Variants in EXD3 observed in about 807,000 individuals in gnomAD.
EXD3 encodes the protein exonuclease mut-7 homolog.
In EXD3, 92 loss-of-function variants were observed where a neutral mutation model predicts 98.0. The observed-to-expected ratio is 0.94, with a 90% CI of 0.79 to 1.12. The LOEUF (loss-of-function observed/expected upper bound fraction) is 1.12, where lower values mean the gene tolerates loss of function less well. Ranked by LOEUF, EXD3 falls within the 50% of genes most tolerant of loss-of-function variation. The pLI is 0.00. For synonymous variants in EXD3, 569 were observed against 526.0 expected (o/e 1.08, Z -1.12); for missense variants, 1,222 against 1,191.6 (o/e 1.03, Z -0.38).
At position 137,393,491 on chromosome 9, in the gene EXD3, A is replaced by ACACC. The variant is rs377123972; in HGVS notation, c.55+1808_55+1811dup. Among the ~76,000 whole-genome samples the ACACC allele has an allele frequency of 1.3e-4, 20 of 152,276 alleles. No homozygotes were observed. Among genetic ancestry groups the ACACC allele is most frequent in the African/African-American group, 4.8e-4 (20 of 41,556 alleles). ...TGTGCCTGCTGAGGGGGCCACATCC[A>ACACC]CACCAAGCCCCGCCCAGCTCAGAGG... On this transcript the variant is annotated intron_variant, in intron 2 of 21. Coordinates refer to ENST00000340951, the MANE Select transcript of EXD3 (RefSeq NM_017820.5). The surrounding 1 kb of genome is among the most constrained non-coding windows in gnomAD (Gnocchi z 4.6).
intron 10 of EXD3, chr9:137,354,113 G>A (rs753040135): frequency 1.7e-4 from 226 of 1,334,412 alleles, no homozygotes; most frequent in Non-Finnish European, 2.1e-4. Context: ...TGCCTGGAAC[G>A]AGGCCCAGTC....
At chr9:137,315,948 G>T (rs573467769) in intron 19 of EXD3, among the ~76,000 whole-genome samples, 1 of 151,222 alleles carries the variant, frequency 6.6e-6, no homozygotes, top group African/African-American at 2.4e-5. Flanking sequence ...CCATCCCAGG[G>T]GATGGCAGCT....
chr9:137,397,610 T>C (rs1837277913), intron 1 of EXD3, among the ~76,000 whole-genome samples: 1 of 152,328 alleles, frequency 6.6e-6, no homozygotes, highest in South Asian at 2.1e-4. Flanking sequence ...CTCAAAGTTA[T>C]TGGTGTTAGC....
intron 17 of EXD3, among the ~76,000 whole-genome samples, chr9:137,337,378 T>G (rs765404133): frequency 6.6e-6 from 1 of 152,004 alleles, no homozygotes; most frequent in African/African-American, 2.4e-5. Context: ...TTAGGCTGGG[T>G]GCGGTGGCTC....
chr9:137,416,095 G>C (rs1452235173), intron 1 of EXD3, among the ~76,000 whole-genome samples: 4 of 152,230 alleles, frequency 2.6e-5, no homozygotes, highest in Non-Finnish European at 5.9e-5. Context: ...CTTAGCCTTA[G>C]CACCTCCACA....
At chr9:137,408,768 G>C (rs151014486) in intron 1 of EXD3, among the ~76,000 whole-genome samples, 51 of 152,146 alleles carry the variant, frequency 3.4e-4, no homozygotes, top group African/African-American at 1.2e-3. Context: ...GTGGAGCCTC[G>C]AGCCAATCGG....
rs559739180 is a variant in EXD3, at chr9:137,356,400, C to T, written c.657-32G>A. 41 of 1,360,790 alleles carry T rather than the reference C, an allele frequency of 3.0e-5. No individual in the cohort carries two copies. In the South Asian group the frequency reaches 4.6e-4, roughly 15 times the overall value. 84.3% of individuals were successfully genotyped at this position (1,360,790 alleles called of 1,614,324 possible). A position where few individuals can be genotyped will look rare whatever the true frequency, so the allele number is the denominator to read the frequency against. On this transcript the variant is annotated intron_variant, in intron 7 of 21. Coordinates refer to ENST00000340951, the MANE Select transcript of EXD3 (RefSeq NM_017820.5). The stretch of plus-strand genomic sequence containing the variant: ...GGAGAGAGAGGCACAGCCTCTGTTG[C>T]TGTTTTAAGTTAATACATTTTAAGA...
At chr9:137,416,554 G>C (rs1838239131) in intron 1 of EXD3, among the ~76,000 whole-genome samples, 1 of 151,530 alleles carries the variant, frequency 6.6e-6, no homozygotes, top group Non-Finnish European at 1.5e-5. Context: ...CAGGCATCCG[G>C]ACCCTCGTCA....
At position 137,373,609 on chromosome 9, in the gene EXD3, C is replaced by A; in HGVS notation, c.121-10G>T. On this transcript the variant is annotated splice_polypyrimidine_tract_variant and intron_variant, in intron 3 of 21. Transcript: ENST00000340951. The stretch of plus-strand genomic sequence containing the variant: ...AGGCTTCCTCCCGGAGCTGTGGAGA[C>A]ACAAAACCACACTGGCACTTTGTCT... 4.4e-6 allele frequency: 7 copies of A among 1,590,096 alleles called. No homozygotes were observed. The highest frequency in any genetic ancestry group is 6.0e-6 in the Non-Finnish European group (7 of 1,168,348).
At chr9:137,362,737 C>T (rs28458909) in intron 7 of EXD3, among the ~76,000 whole-genome samples, 18,434 of 152,110 alleles carry the variant, frequency 0.12, 1,322 homozygotes, top group African/African-American at 0.14. Context: ...TTCTGGATAA[C>T]AGTCCTTTAT....
rs1233669887 is a variant in EXD3, at chr9:137,407,292, C to A, written c.-47-11888G>T. Among the ~76,000 whole-genome samples the A allele has an allele frequency of 1.3e-5, 2 of 152,222 alleles. No homozygotes were observed. Among genetic ancestry groups the A allele is most frequent in the African/African-American group, 4.8e-5 (2 of 41,472 alleles). ...GCCAGCGCTGCAGGCAGAGCCCAGC[C>A]CGGCGGCCGCGGCGAACACGGGGCG... On this transcript the variant is annotated intron_variant, in intron 1 of 21. Coordinates refer to ENST00000340951, the MANE Select transcript of EXD3 (RefSeq NM_017820.5). The surrounding 1 kb of genome is among the most constrained non-coding windows in gnomAD (Gnocchi z 4.4).
At chr9:137,336,724 A>G (rs982363399) in intron 17 of EXD3, among the ~76,000 whole-genome samples, 3 of 152,002 alleles carry the variant, frequency 2.0e-5, no homozygotes, top group East Asian at 1.9e-4. Context: ...ATGGCAAAAT[A>G]TGCATATTTT....
At chr9:137,383,874 T>C (rs150912333) in intron 2 of EXD3, among the ~76,000 whole-genome samples, 2 of 149,990 alleles carry the variant, frequency 1.3e-5, no homozygotes, top group African/African-American at 4.9e-5. Context: ...CCGACCTCAC[T>C]GCAGCAAAAG....
At chr9:137,364,271 T>G (rs981461076) in intron 7 of EXD3, among the ~76,000 whole-genome samples, 6 of 152,128 alleles carry the variant, frequency 3.9e-5, no homozygotes, top group African/African-American at 1.5e-4. Flanking sequence ...CTCATGGCTA[T>G]GGGGTATCAT....
chr9:137,344,428 G>A (rs1271686177), intron 17 of EXD3, among the ~76,000 whole-genome samples: 3 of 152,144 alleles, frequency 2.0e-5, no homozygotes, highest in Admixed American at 6.6e-5. Context: ...AGTGGCTGAC[G>A]AGACATGTCT....
At chr9:137,351,169 G>GCCC in intron 13 of EXD3, 22 bp from the exon 14 acceptor site, 1 of 1,556,170 alleles carries the variant, frequency 6.4e-7, no homozygotes, top group Non-Finnish European at 8.7e-7. Flanking sequence ...AACCATCGTG[G>GCCC]GAGGGGCGCC....
In EXD3 at chr9:137,315,058, C is replaced by G. The variant is rs112095699; in HGVS notation, c.2185-5358G>C. ...GTCAGGGTCTCCACTTCCTGCAGCTCCCTTGGAATGTGCCCCCTGGAGCCA... is the reference window on the plus strand; with the variant it reads ...GTCAGGGTCTCCACTTCCTGCAGCTGCCTTGGAATGTGCCCCCTGGAGCCA... On this transcript the variant is annotated intron_variant, in intron 19 of 21. Transcript: ENST00000340951. Among the ~76,000 whole-genome samples the G allele has an allele frequency of 7.7e-4, 118 of 152,276 alleles. 2 individuals carry two copies. The Middle Eastern group carries it at 0.014, about 18-fold the overall frequency.
Position 137,330,246 on chromosome 9 carries a change from C to G in EXD3, c.1999-6103G>C, listed in dbSNP as rs1412277048. The stretch of plus-strand genomic sequence containing the variant: ...GGAACTACACAGGACTACACAGGAG[C>G]TACACAGGGCTCCACAGGAGCTACA... On this transcript the variant is annotated intron_variant, in intron 17 of 21. Coordinates refer to ENST00000340951, the MANE Select transcript of EXD3 (RefSeq NM_017820.5). Among the ~76,000 whole-genome samples, 2 of 140,476 alleles carry G rather than the reference C, an allele frequency of 1.4e-5. 1 individual carries two copies. Among genetic ancestry groups the G allele is most frequent in the African/African-American group, 5.6e-5 (2 of 35,770 alleles). The allele number at this position is 140,476 out of a possible 152,430, so 92.2% of individuals were successfully genotyped here.
At chr9:137,419,912 C>T (rs1476901295) in intron 1 of EXD3, among the ~76,000 whole-genome samples, 1 of 152,168 alleles carries the variant, frequency 6.6e-6, no homozygotes, top group African/African-American at 2.4e-5. Context: ...GTAATCCCAG[C>T]ACTTTGGGAG....
Sources: allele counts gnomAD v4.1 joint callset (sites outside exome capture counted in the v4.1 genomes callset), GRCh38; gene constraint gnomAD v4.1.1; non-coding constraint Gnocchi (gnomAD v3.1); transcripts MANE v1.5; gene names NCBI Gene and HGNC (gene_info 2026-07-23, HGNC 2026-07-21).